MROH7: variants seen among roughly 807,000 people sequenced by gnomAD.
The protein encoded by MROH7 is maestro heat like repeat family member 7.
A neutral mutation model predicts 129.2 loss-of-function variants in MROH7; 113 were observed. The ratio of observed to expected loss-of-function variants is 0.87; its 90% confidence interval spans 0.75 to 1.02. The LOEUF is 1.02. MROH7 is among the 50% of genes least tolerant of loss of function. The pLI is 0.00. For missense variants in MROH7, 1,601 were observed against 1,671.3 expected, an observed-to-expected ratio of 0.96 and a Z score of 0.73; for synonymous variants, 655 against 667.9, an observed-to-expected ratio of 0.98 and a Z score of 0.30.
Position 54,680,059 on chromosome 1 carries a change from G to C in MROH7, c.2381+14G>C, listed in dbSNP as rs775548408. The C allele has an allele frequency of 6.2e-7, 1 of 1,611,100 alleles. No homozygotes were observed. Among genetic ancestry groups the C allele is most frequent in the Non-Finnish European group, 8.5e-7 (1 of 1,177,754 alleles). On this transcript the variant is annotated intron_variant, in intron 13 of 23. Coordinates refer to ENST00000421030, the MANE Select transcript of MROH7 (RefSeq NM_001039464.4). ...CCCACTGAACAGGTACCAAGTGAAG[G>C]GGTTCCCAGCCACTGCATCTTACAG...
chr1:54,675,731 G>A (rs755152957), intron 10 of MROH7, among the ~76,000 whole-genome samples: 1 of 151,714 alleles, frequency 6.6e-6, no homozygotes, highest in Non-Finnish European at 1.5e-5. Flanking sequence ...CTGAGTAAGT[G>A]GGACTACAGG....
chr1:54,679,297 A>AG lies in MROH7; in HGVS notation c.2086dup (p.Asp696GlyfsTer80). 1 of 1,614,194 alleles carries AG rather than the reference A, an allele frequency of 6.2e-7. No individual in the cohort carries two copies. Among genetic ancestry groups the AG allele is most frequent in the Non-Finnish European group, 8.5e-7 (1 of 1,180,026 alleles). Reference sequence around the variant, plus strand: ...GACTTCCTGGGGCCCCAGCAGATAAAGGACCTGCTGCTGGCCGCCCTGGAA... The same window carrying AG: ...GACTTCCTGGGGCCCCAGCAGATAAAGGGACCTGCTGCTGGCCGCCCTGGAA... On this transcript the variant is annotated frameshift_variant, in exon 12 of 24. Transcript: ENST00000421030. LOFTEE classifies it high-confidence loss of function.
intron 1 of MROH7, among the ~76,000 whole-genome samples, chr1:54,649,319 C>T (rs1364039359): frequency 6.6e-6 from 1 of 152,272 alleles, no homozygotes; most frequent in Non-Finnish European, 1.5e-5. Flanking sequence ...CCATCTGGGG[C>T]TCCAGGATTG....
At chr1:54,669,007 A>G in intron 5 of MROH7, 70 bp downstream of exon 5, 1 of 1,150,364 alleles carries the variant, frequency 8.7e-7, no homozygotes, top group Non-Finnish European at 1.3e-6. Context: ...CCACCCACTG[A>G]TGAGACCGCA....
chr1:54,659,098 GTTTT>G, intron 3 of MROH7: 1 of 438,512 alleles, frequency 2.3e-6, no homozygotes, highest in South Asian at 1.6e-5. Flanking sequence ...TTGTTTGTTT[GTTTT>G]GTTTTTTTTT....
chr1:54,679,290 C>G lies in MROH7; in HGVS notation c.2077C>G (p.Gln693Glu). 3 of 1,614,190 alleles carry G rather than the reference C, an allele frequency of 1.9e-6. No homozygotes were observed. The highest frequency in any genetic ancestry group is 2.5e-6 in the Non-Finnish European group (3 of 1,180,028). ...ATTTGGAGACTTCCTGGGGCCCCAG[C>G]AGATAAAGGACCTGCTGCTGGCCGC... ...EEFGDFLGPQQIKDLLLAALE... is the reference protein window; with the variant it reads ...EEFGDFLGPQEIKDLLLAALE... The change falls in exon 12 of 24, where the codon CAG (glutamine) becomes GAG (glutamate). Residue 693 changes from glutamine (Q) to glutamate (E), a missense_variant. Physicochemically the swap from Gln to Glu is conservative, Grantham distance 29. Transcript: ENST00000421030.
In MROH7 at chr1:54,710,003, T is replaced by G. The variant is rs533979276; in HGVS notation, c.3788T>G (p.Val1263Gly). Residue 1263 changes from valine to glycine, a missense_variant, in exon 24 of 24, where the codon GTC becomes GGC. By Grantham distance (109) the Val-to-Gly change is moderately radical. Transcript: ENST00000421030. ...EASVCIYAAQ[V>G]QDHILASCWQ... ...TCAGTGTGCATCTACGCAGCCCAGG[T>G]CCAGGACCACATCCTGGCCAGCTGC... The G allele has an allele frequency of 1.9e-6, 3 of 1,614,062 alleles. No homozygotes were observed. The highest frequency in any genetic ancestry group is 2.2e-5 in the East Asian group (1 of 44,864).
At chr1:54,698,453 T>A (rs1645356973) in intron 17 of MROH7, 1 of 152,844 alleles carries the variant, frequency 6.5e-6, no homozygotes, top group Non-Finnish European at 1.5e-5. Context: ...TGGCGGGTGA[T>A]AGGTGGAGCC....
intron 17 of MROH7, 170 bp from the exon 18 acceptor site, chr1:54,700,151 T>C: frequency 1.2e-6 from 1 of 841,622 alleles, no homozygotes; most frequent in Non-Finnish European, 2.0e-6. Flanking sequence ...CTTTGCCACA[T>C]GGTGCTGATG....
Position 54,653,904 on chromosome 1 carries a change from C to G in MROH7, c.978C>G (p.Cys326Trp). ...ACTCCACCATCTCTCCACCCTCATG[C>G]ATGACTCTAATCCTGGGTTCCAATG... Reference protein sequence around the residue: ...EPNSTISPPSCMTLILGSNET... With the variant: ...EPNSTISPPSWMTLILGSNET... Residue 326 changes from cysteine to tryptophan, a missense_variant, in exon 3 of 24, where the codon TGC becomes TGG. Cys to Trp is a radical substitution (Grantham distance 215, BLOSUM62 -2). Transcript: ENST00000421030. 1.2e-6 allele frequency: 2 copies of G among 1,614,084 alleles called. No individual in the cohort carries two copies. The highest frequency in any genetic ancestry group is 1.7e-6 in the Non-Finnish European group (2 of 1,179,940).
chr1:54,683,747 CA>C (rs1645106836), intron 14 of MROH7, among the ~76,000 whole-genome samples: 1 of 152,164 alleles, frequency 6.6e-6, no homozygotes, highest in Admixed American at 6.5e-5. Context: ...TATCTTGTCA[CA>C]GGGCCTTTGC....
At chr1:54,667,309 C>T (rs1644829085) in intron 4 of MROH7, among the ~76,000 whole-genome samples, 1 of 152,154 alleles carries the variant, frequency 6.6e-6, no homozygotes, top group South Asian at 2.1e-4. Flanking sequence ...CAAACCACCC[C>T]AGAATTTAGT....
Position 54,679,998 on chromosome 1 carries a change from G to A in MROH7, c.2334G>A (p.Met778Ile). The A allele has an allele frequency of 2.5e-6, 4 of 1,614,016 alleles. No homozygotes were observed. Among genetic ancestry groups the A allele is most frequent in the Non-Finnish European group, 3.4e-6 (4 of 1,179,972 alleles). Residue 778 changes from methionine to isoleucine, a missense_variant, in exon 13 of 24, where the codon ATG becomes ATA. By Grantham distance (10) the Met-to-Ile change is conservative (BLOSUM62 1). Transcript: ENST00000421030. ...TCTCCCTCCTGGCTAGCTCCTTCAT[G>A]ACCGAGGTTGTGGTGGCCCTGCTCA... Reference protein sequence around the residue: ...LPVSLLASSFMTEVVVALLMC... With the variant: ...LPVSLLASSFITEVVVALLMC...
At chr1:54,701,078 G>A in intron 18 of MROH7, 65 bp from the exon 19 acceptor site, 3 of 1,549,446 alleles carry the variant, frequency 1.9e-6, no homozygotes, top group Non-Finnish European at 2.7e-6. Context: ...TGAATCAGAG[G>A]CTGGGTCTCT....
At chr1:54,657,515 A>T (rs957405128) in intron 3 of MROH7, among the ~76,000 whole-genome samples, 1 of 151,952 alleles carries the variant, frequency 6.6e-6, no homozygotes, top group Non-Finnish European at 1.5e-5. Context: ...AATAGCTACG[A>T]CTGTAGGCAC....
In MROH7 at chr1:54,702,131, G is replaced by T; in HGVS notation, c.3327G>T (p.Gly1109=). 1 of 1,612,022 alleles carries T rather than the reference G, an allele frequency of 6.2e-7. No homozygotes were observed. Among genetic ancestry groups the T allele is most frequent in the Non-Finnish European group, 8.5e-7 (1 of 1,178,992 alleles). ...VVRSSCINLY[G]KVVQKLRAPR... is the part of the protein sequence containing the mutation. ...GCTCCTCCTGCATCAACCTGTATGG[G>T]AAGGTGGTCCAGAAGCTTCGGGCAC... Residue 1109 remains glycine (G), a synonymous_variant, in exon 20 of 24, where the codon GGG becomes GGT. Transcript: ENST00000421030.
chr1:54,674,849 C>T lies in MROH7; in HGVS notation c.1936+698C>T, dbSNP rs563434463. Among the ~76,000 whole-genome samples, 11 of 152,290 alleles carry T rather than the reference C, an allele frequency of 7.2e-5. No homozygotes were observed. The South Asian group carries it at 1.0e-3, about 14-fold the overall frequency. ...GCATGTGGTTTAAACTCTCCTGGCT[C>T]TGGGGGTAGAATGACCTTTGCATAA... is the stretch of plus-strand genomic sequence containing the variant. On this transcript the variant is annotated intron_variant, in intron 10 of 23. Transcript: ENST00000421030.
chr1:54,699,158 C>CTTTCTTTCT lies in MROH7; in HGVS notation c.2965-1160_2965-1159insCTTTCTTTT, dbSNP rs1320134459. The CTTTCTTTCT allele has an allele frequency of 9.4e-4, 64 of 67,948 alleles. No individual in the cohort carries two copies. The East Asian group carries it at 0.017, about 18-fold the overall frequency. 4.2% of individuals were successfully genotyped at this position (67,948 alleles called of 1,614,324 possible). The stretch of plus-strand genomic sequence containing the variant: ...TCTTTCTTTCTTTCTTTCTTTCTTT[C>CTTTCTTTCT]TTTTCTTTCTTTCTTTCTTTCTTTC... On this transcript the variant is annotated intron_variant, in intron 17 of 23. Coordinates refer to ENST00000421030, the MANE Select transcript of MROH7 (RefSeq NM_001039464.4).
At position 54,660,237 on chromosome 1, in the gene MROH7, A is replaced by T. The variant is rs141783959; in HGVS notation, c.1232-4930A>T. 2.2e-3 allele frequency among the ~76,000 whole-genome samples: 336 copies of T among 152,306 alleles called. 2 individuals carry two copies. Among genetic ancestry groups the T allele is most frequent in the African/African-American group, 7.8e-3 (326 of 41,568 alleles). ...GAGAGGGCCCACTTGCTGTATCCCTACATGGTGGTAGGTGGAAGGACAAAA... is the reference window on the plus strand; with the variant it reads ...GAGAGGGCCCACTTGCTGTATCCCTTCATGGTGGTAGGTGGAAGGACAAAA... On this transcript the variant is annotated intron_variant, in intron 3 of 23. Coordinates refer to ENST00000421030, the MANE Select transcript of MROH7 (RefSeq NM_001039464.4).
Sources: allele counts gnomAD v4.1 joint callset (sites outside exome capture counted in the v4.1 genomes callset), GRCh38; gene constraint gnomAD v4.1.1; transcripts MANE v1.5; gene names NCBI Gene and HGNC (gene_info 2026-07-23, HGNC 2026-07-21).